The following KCNMA1 variants were observed in gnomAD, a reference collection of about 807,000 sequenced individuals.
The protein encoded by KCNMA1 is Calcium-activated potassium channel subunit alpha-1.
In KCNMA1, 29 loss-of-function variants were observed where a neutral mutation model predicts 140.0. The observed-to-expected ratio is 0.21, with a 90% CI of 0.15 to 0.28. The LOEUF (loss-of-function observed/expected upper bound fraction) is 0.28. Ranked by LOEUF, KCNMA1 falls within the 10% of genes least tolerant of loss-of-function variation. The pLI, the probability that KCNMA1 is intolerant of heterozygous loss-of-function variation, is 1.00. For missense variants in KCNMA1, 880 were observed against 1,602.2 expected, an observed-to-expected ratio of 0.55 and a Z score of 7.70; for synonymous variants, 612 against 611.9, an observed-to-expected ratio of 1.00 and a Z score of 0.00.
intron 13 of KCNMA1, among the ~76,000 whole-genome samples, chr10:77,074,268 A>G (rs1176955774): frequency 6.6e-6 from 1 of 152,236 alleles, no homozygotes; most frequent in Non-Finnish European, 1.5e-5. Context: ...GACATTACAG[A>G]GAAAGCCAGT....
chr10:77,562,648 CT>C (rs1443290376), intron 1 of KCNMA1, among the ~76,000 whole-genome samples: 2 of 152,228 alleles, frequency 1.3e-5, no homozygotes, highest in Non-Finnish European at 2.9e-5. Flanking sequence ...CCTCTAGACA[CT>C]TGTCACTGCC....
At chr10:77,218,306 A>G (rs764555401) in intron 3 of KCNMA1, among the ~76,000 whole-genome samples, 10 of 152,180 alleles carry the variant, frequency 6.6e-5, no homozygotes, top group Non-Finnish European at 1.2e-4. Flanking sequence ...CATTTAAACC[A>G]TTTAAACCAT....
chr10:77,391,412 G>A (rs2095816826), intron 2 of KCNMA1, among the ~76,000 whole-genome samples: 1 of 152,196 alleles, frequency 6.6e-6, no homozygotes, highest in Non-Finnish European at 1.5e-5. Flanking sequence ...AACTGGATGA[G>A]CAAAAAGATA....
intron 1 of KCNMA1, among the ~76,000 whole-genome samples, chr10:77,598,399 A>G (rs2081562850): frequency 6.6e-6 from 1 of 152,178 alleles, no homozygotes; most frequent in Admixed American, 6.5e-5. Flanking sequence ...TGCTGAATGA[A>G]TGGAAAACCT....
intron 1 of KCNMA1, among the ~76,000 whole-genome samples, chr10:77,602,676 A>G (rs1806182974): frequency 6.6e-6 from 1 of 152,154 alleles, no homozygotes; most frequent in Non-Finnish European, 1.5e-5. Context: ...CACTGGGCAC[A>G]TATCAGTCCT....
At chr10:77,578,018 T>C (rs886535663) in intron 1 of KCNMA1, among the ~76,000 whole-genome samples, 21 of 152,220 alleles carry the variant, frequency 1.4e-4, no homozygotes, top group African/African-American at 4.8e-4. Flanking sequence ...CCCCTAGGAC[T>C]GGAGCTAAAT....
chr10:77,383,622 C>T (rs1359064549), intron 2 of KCNMA1, among the ~76,000 whole-genome samples: 1 of 151,932 alleles, frequency 6.6e-6, no homozygotes, highest in Non-Finnish European at 1.5e-5. Flanking sequence ...TTAATCTATA[C>T]AAAATATTAT....
intron 23 of KCNMA1, among the ~76,000 whole-genome samples, chr10:76,942,616 T>C (rs1203790071): frequency 6.6e-6 from 1 of 152,150 alleles, no homozygotes; most frequent in East Asian, 1.9e-4. Flanking sequence ...GGCCTTTATA[T>C]AGGATCTAAG....
intron 2 of KCNMA1, among the ~76,000 whole-genome samples, chr10:77,390,599 T>A (rs1038844167): frequency 6.6e-6 from 1 of 152,214 alleles, no homozygotes; most frequent in Non-Finnish European, 1.5e-5. Context: ...CCCTGAGGCA[T>A]AACACCAGGC....
Position 77,095,217 on chromosome 10 carries a change from C to T in KCNMA1, c.1224-4707G>A, listed in dbSNP as rs570168262. Among the ~76,000 whole-genome samples, 174 of 152,284 alleles carry T rather than the reference C, an allele frequency of 1.1e-3. 1 individual carries two copies. The highest frequency in any genetic ancestry group is 2.0e-3 in the Non-Finnish European group (133 of 68,038). ...CTGACCAATTTCTATAGGGCCTGAC[C>T]ACTCAATTTGTGAAGATGACCAATA... On this transcript the variant is annotated intron_variant, in intron 9 of 27. Transcript: ENST00000286628.
intron 2 of KCNMA1, among the ~76,000 whole-genome samples, chr10:77,276,701 C>G (rs2154290300): frequency 6.6e-6 from 1 of 152,208 alleles, no homozygotes; most frequent in African/African-American, 2.4e-5. Context: ...TTTCTAAAGG[C>G]TGGGGACTGG....
At chr10:77,356,683 T>C (rs1009006070) in intron 2 of KCNMA1, among the ~76,000 whole-genome samples, 1 of 152,196 alleles carries the variant, frequency 6.6e-6, no homozygotes, top group East Asian at 1.9e-4. Flanking sequence ...AACCATATCA[T>C]AGTGGATAGC....
intron 1 of KCNMA1, among the ~76,000 whole-genome samples, chr10:77,563,327 G>A (rs1002263494): frequency 2.0e-5 from 3 of 151,778 alleles, no homozygotes; most frequent in Non-Finnish European, 2.9e-5. Context: ...TAAAAGAACC[G>A]CATAGAATTC....
chr10:77,554,211 G>A (rs947803366), intron 1 of KCNMA1, among the ~76,000 whole-genome samples: 2 of 152,164 alleles, frequency 1.3e-5, no homozygotes, highest in Admixed American at 6.5e-5. Flanking sequence ...GCAGCACAGG[G>A]AACAGCAGAG....
chr10:76,955,099 C>G (rs2067697059), intron 20 of KCNMA1, among the ~76,000 whole-genome samples: 1 of 152,126 alleles, frequency 6.6e-6, no homozygotes, highest in South Asian at 2.1e-4. Flanking sequence ...CAACACAAGA[C>G]AGAAAATATA....
At chr10:77,253,357 G>A (rs1334801739) in intron 2 of KCNMA1, among the ~76,000 whole-genome samples, 1 of 152,238 alleles carries the variant, frequency 6.6e-6, no homozygotes, top group Non-Finnish European at 1.5e-5. Context: ...AGCCACTGTT[G>A]CAGAAAAGGA....
intron 2 of KCNMA1, among the ~76,000 whole-genome samples, chr10:77,393,249 A>G (rs187558163): frequency 6.6e-6 from 1 of 150,394 alleles, no homozygotes. Context: ...CTCTTGGAAG[A>G]TGTCTGGGTT....
At chr10:77,414,284 G>A (rs982231756) in intron 1 of KCNMA1, among the ~76,000 whole-genome samples, 2 of 151,942 alleles carry the variant, frequency 1.3e-5, no homozygotes, top group Middle Eastern at 3.2e-3. Flanking sequence ...TCCCTCCCCC[G>A]GGAAATGCTG....
At chr10:77,460,531 G>GCACACACA (rs59284219) in intron 1 of KCNMA1, among the ~76,000 whole-genome samples, 4 of 147,918 alleles carry the variant, frequency 2.7e-5, no homozygotes, top group African/African-American at 7.4e-5. Context: ...GTACACACGT[G>GCACACACA]CACACACACA....
Sources: allele counts gnomAD v4.1 joint callset (sites outside exome capture counted in the v4.1 genomes callset), GRCh38; gene constraint gnomAD v4.1.1; transcripts MANE v1.5; gene names NCBI Gene and HGNC (gene_info 2026-07-23, HGNC 2026-07-21).